CPNE9: variants seen among roughly 807,000 people sequenced by gnomAD.
CPNE9 encodes the protein copine family member 9.
A neutral mutation model predicts 83.0 loss-of-function variants in CPNE9; 59 were observed. That is an observed-to-expected ratio of 0.71 (90% confidence interval 0.58 to 0.88). The LOEUF is 0.88. Ranked by LOEUF, CPNE9 falls within the 40% of genes least tolerant of loss-of-function variation. The pLI is 0.00. For synonymous variants in CPNE9, 256 were observed against 273.4 expected (o/e 0.94, Z 0.63); for missense variants, 619 against 720.8 (o/e 0.86, Z 1.62).
Position 9,704,878 on chromosome 3 carries a change from C to T in CPNE9, c.157-13C>T, listed in dbSNP as rs1438463448. The T allele has an allele frequency of 1.2e-6, 2 of 1,607,778 alleles. No individual in the cohort carries two copies. The highest frequency in any genetic ancestry group is 1.7e-5 in the Admixed American group (1 of 59,848). ...CTGCACGTCCCACGCTGACCCTCCA[C>T]CCCCCTACCCAGTTCGGACGGACCG... On this transcript the variant is annotated splice_polypyrimidine_tract_variant and intron_variant, in intron 3 of 20. Transcript: ENST00000383832. The surrounding 1 kb of genome is among the most constrained non-coding windows in gnomAD (Gnocchi z 7.1).
At chr3:9,719,215 C>T (rs1324716164) in intron 17 of CPNE9, among the ~76,000 whole-genome samples, 1 of 152,082 alleles carries the variant, frequency 6.6e-6, no homozygotes, top group East Asian at 1.9e-4. Flanking sequence ...GCAAATACTA[C>T]ACCATTTTAT....
intron 5 of CPNE9, 53 bp from the exon 6 acceptor site, chr3:9,705,664 GC>G: frequency 1.2e-6 from 2 of 1,611,042 alleles, no homozygotes; most frequent in South Asian, 1.1e-5. Flanking sequence ...TCCTGCCTGT[GC>G]CCCCTACTCA....
At chr3:9,723,056 G>A (rs1318406205) in intron 17 of CPNE9, among the ~76,000 whole-genome samples, 2 of 152,194 alleles carry the variant, frequency 1.3e-5, no homozygotes, top group East Asian at 3.9e-4. Context: ...ACCCAGCGTG[G>A]TGCCTGATAC....
At position 9,718,423 on chromosome 3, in the gene CPNE9, T is replaced by A. The variant is rs2076704668; in HGVS notation, c.1114-52T>A. The stretch of plus-strand genomic sequence containing the variant: ...AAGGAGTGAGCTGGAATCAGAGCAC[T>A]CCTGCATGTACCCTGCATGGGCTCA... On this transcript the variant is annotated intron_variant, in intron 16 of 20. Transcript: ENST00000383832. The A allele has an allele frequency of 8.8e-6, 14 of 1,586,300 alleles. No homozygotes were observed. The South Asian group carries it at 1.4e-4, about 15-fold the overall frequency.
At chr3:9,715,917 T>C (rs1016519311) in intron 13 of CPNE9, 57 bp from the exon 14 acceptor site, 1 of 1,515,388 alleles carries the variant, frequency 6.6e-7, no homozygotes, top group African/African-American at 1.4e-5. Context: ...CCTCACTTCC[T>C]TCTGCCACCC....
In CPNE9 at chr3:9,704,540, GC is replaced by G. The variant is rs765812935; in HGVS notation, c.69-46del. 1 of 1,538,316 alleles carries G rather than the reference GC, an allele frequency of 6.5e-7. No homozygotes were observed. On this transcript the variant is annotated intron_variant, in intron 1 of 20. Transcript: ENST00000383832. This position sits in a 1 kb window ranked among gnomAD's most constrained non-coding sequence, Gnocchi z 7.1. ...CCGGCTCAGAGCCGACTCGAGGCGG[GC>G]GGACTCCAGGATGATCCACTCTGTC...
chr3:9,708,644 T>G (rs1008578370), intron 7 of CPNE9, among the ~76,000 whole-genome samples: 3 of 151,992 alleles, frequency 2.0e-5, no homozygotes, highest in Non-Finnish European at 4.4e-5. Context: ...TCAAGGAATC[T>G]TTTTTTTGAG....
chr3:9,707,949 G>T (rs2125460800), intron 7 of CPNE9, among the ~76,000 whole-genome samples: 1 of 152,194 alleles, frequency 6.6e-6, no homozygotes, highest in South Asian at 2.1e-4. Flanking sequence ...TTTTGTTGTT[G>T]TTTTTTCAAG....
At chr3:9,722,160 A>AACC (rs959648365) in intron 17 of CPNE9, among the ~76,000 whole-genome samples, 2 of 132,036 alleles carry the variant, frequency 1.5e-5, no homozygotes, top group African/African-American at 5.6e-5. Flanking sequence ...CAGGTGATCC[A>AACC]CCCCCCCCCG....
chr3:9,715,167 C>G, intron 11 of CPNE9, 122 bp from the exon 12 acceptor site: 1 of 1,160,556 alleles, frequency 8.6e-7, no homozygotes, highest in East Asian at 2.4e-5. Context: ...CCCTTATGGC[C>G]CCAGCACTAG....
intron 4 of CPNE9, 90 bp from the exon 5 acceptor site, chr3:9,705,374 C>A: frequency 9.4e-7 from 1 of 1,060,678 alleles, no homozygotes; most frequent in Non-Finnish European, 1.4e-6. Flanking sequence ...ATCCCTCCAC[C>A]CAAAATTTTC....
chr3:9,720,185 GA>G (rs1458372195), intron 17 of CPNE9, among the ~76,000 whole-genome samples: 2 of 151,496 alleles, frequency 1.3e-5, no homozygotes, highest in Non-Finnish European at 2.9e-5. Context: ...CCTTAAAAAA[GA>G]AAAAGATTAT....
rs766862060 is a variant in CPNE9, at chr3:9,718,644, A to G, written c.1241+42A>G. On this transcript the variant is annotated intron_variant, in intron 17 of 20. Transcript: ENST00000383832. ...GAAGCTGGGGGAAATGAGGGGACCCACATAAGGGATTGACCCCCCAAGGAT... is the reference window on the plus strand; with the variant it reads ...GAAGCTGGGGGAAATGAGGGGACCCGCATAAGGGATTGACCCCCCAAGGAT... 2.5e-6 allele frequency: 4 copies of G among 1,599,834 alleles called. No individual in the cohort carries two copies. The Admixed American group carries it at 6.8e-5, about 27-fold the overall frequency.
chr3:9,718,721 C>A, intron 17 of CPNE9, 119 bp downstream of exon 17: 1 of 1,254,076 alleles, frequency 8.0e-7, no homozygotes, highest in Non-Finnish European at 1.1e-6. Flanking sequence ...ACAGGAGAGG[C>A]CAGGCATGGT....
chr3:9,712,232 G>T (rs774485424), intron 7 of CPNE9, among the ~76,000 whole-genome samples: 17 of 152,286 alleles, frequency 1.1e-4, no homozygotes, highest in South Asian at 8.3e-4. Flanking sequence ...GACTAAGGCC[G>T]AGGAAGGGTA....
At chr3:9,727,960 TTGA>T (rs932763660) in intron 20 of CPNE9, among the ~76,000 whole-genome samples, 1 of 151,542 alleles carries the variant, frequency 6.6e-6, no homozygotes, top group African/African-American at 2.4e-5. Context: ...TTTACAAGAC[TTGA>T]TGATTAGATG....
intron 8 of CPNE9, 55 bp from the exon 9 acceptor site, chr3:9,712,670 G>A (rs564101817): frequency 1.2e-6 from 2 of 1,607,254 alleles, no homozygotes; most frequent in Admixed American, 1.7e-5. Flanking sequence ...TTAATGGACT[G>A]TCTGAAGGCT....
intron 7 of CPNE9, among the ~76,000 whole-genome samples, chr3:9,707,646 ATGG>A (rs1224175094): frequency 1.3e-5 from 2 of 149,848 alleles, no homozygotes; most frequent in Admixed American, 6.7e-5. Context: ...AAAGCCAGGC[ATGG>A]TGGTGTGCAC....
chr3:9,704,479 G>A lies in CPNE9; in HGVS notation c.69-108G>A. 2 of 935,644 alleles carry A rather than the reference G, an allele frequency of 2.1e-6. No individual in the cohort carries two copies. Among genetic ancestry groups the A allele is most frequent in the Non-Finnish European group, 1.8e-6 (1 of 561,846 alleles). 58.0% of individuals were successfully genotyped at this position (935,644 alleles called of 1,614,324 possible). A position where few individuals can be genotyped will look rare whatever the true frequency, so the allele number is the denominator to read the frequency against. On this transcript the variant is annotated intron_variant, in intron 1 of 20. Coordinates refer to ENST00000383832, the MANE Select transcript of CPNE9 (RefSeq NM_153635.3). This position sits in a 1 kb window ranked among gnomAD's most constrained non-coding sequence, Gnocchi z 7.1. ...CGGCTGGGGGTAGCCATGGGGGACA[G>A]AGGTTCGATGCGGGCCCCATGCCTC...
Sources: allele counts gnomAD v4.1 joint callset (sites outside exome capture counted in the v4.1 genomes callset), GRCh38; gene constraint gnomAD v4.1.1; non-coding constraint Gnocchi (gnomAD v3.1); transcripts MANE v1.5; gene names NCBI Gene and HGNC (gene_info 2026-07-23, HGNC 2026-07-21).